The following SH3BGRL variants were observed in gnomAD, a reference collection of about 807,000 sequenced individuals.
SH3BGRL encodes the protein adapter SH3BGRL.
In SH3BGRL, 7 loss-of-function variants were observed where a neutral mutation model predicts 9.8. The observed-to-expected ratio is 0.72, with a 90% CI of 0.41 to 1.35. The LOEUF (loss-of-function observed/expected upper bound fraction) is 1.35, where lower values mean the gene tolerates loss of function less well. Among genes scored for constraint, SH3BGRL ranks in the 40% most tolerant of loss-of-function variants. The pLI, the probability that SH3BGRL is intolerant of heterozygous loss-of-function variation, is 0.01. For synonymous variants in SH3BGRL, 36 were observed against 29.1 expected (o/e 1.24, Z -0.76); for missense variants, 73 against 84.4 (o/e 0.86, Z 0.53).
chrX:81,221,319 T>C (rs2075599465), intron 1 of SH3BGRL, among the ~76,000 whole-genome samples: 1 of 111,524 alleles, frequency 9.0e-6, no homozygotes, highest in Admixed American at 9.6e-5. Flanking sequence ...ATATATCTTC[T>C]TCACCCCCTT....
At chrX:81,257,524 C>T (rs959745927) in intron 1 of SH3BGRL, among the ~76,000 whole-genome samples, 1 of 111,833 alleles carries the variant, frequency 8.9e-6, no homozygotes, top group African/African-American at 3.3e-5. Flanking sequence ...TCTGATGGCT[C>T]CACTATGGCA....
chrX:81,229,486 G>T (rs774210152), intron 1 of SH3BGRL, among the ~76,000 whole-genome samples: 7 of 111,476 alleles, frequency 6.3e-5, no homozygotes, highest in Non-Finnish European at 1.3e-4. Flanking sequence ...CTTGGAGAAT[G>T]ATTGCAAGGT....
At chrX:81,245,298 CA>C (rs1474378722) in intron 1 of SH3BGRL, among the ~76,000 whole-genome samples, 1 of 111,773 alleles carries the variant, frequency 8.9e-6, no homozygotes, top group Non-Finnish European at 1.9e-5. Flanking sequence ...AAACATAAAT[CA>C]GATGTGAGAC....
At chrX:81,233,263 T>C (rs914446631) in intron 1 of SH3BGRL, among the ~76,000 whole-genome samples, 1 of 112,110 alleles carries the variant, frequency 8.9e-6, no homozygotes, top group African/African-American at 3.2e-5. Context: ...GTTGTGTGTT[T>C]AAGTGCAAGA....
intron 1 of SH3BGRL, among the ~76,000 whole-genome samples, chrX:81,234,638 A>G (rs2147682167): frequency 8.9e-6 from 1 of 112,171 alleles, no homozygotes; most frequent in South Asian, 3.7e-4. Context: ...GATGAGGCTT[A>G]ACTGTGGAAA....
At chrX:81,270,651 G>T (rs1001779879) in intron 1 of SH3BGRL, among the ~76,000 whole-genome samples, 1 of 111,948 alleles carries the variant, frequency 8.9e-6, no homozygotes, top group African/African-American at 3.3e-5. Context: ...GCCCCTACTG[G>T]GAGGTGTCTC....
intron 3 of SH3BGRL, among the ~76,000 whole-genome samples, chrX:81,279,975 C>T (rs755262924): frequency 3.4e-4 from 38 of 111,472 alleles, no homozygotes; most frequent in Non-Finnish European, 6.6e-4. Context: ...TGGAAACAGA[C>T]TCAGGGCTGT....
At chrX:81,280,742 T>C (rs1404963860) in intron 3 of SH3BGRL, among the ~76,000 whole-genome samples, 1 of 111,070 alleles carries the variant, frequency 9.0e-6, no homozygotes, top group Non-Finnish European at 1.9e-5. Context: ...CCAACAGTGG[T>C]AATATGACAA....
rs73634732 is a variant in SH3BGRL, at chrX:81,239,366, G to A, written c.45+37121G>A. ...AAAAGAAACAAACAGAAATTCTGGA[G>A]CAGAAAATGCAATGAGGATACTGAG... On this transcript the variant is annotated intron_variant, in intron 1 of 3. Coordinates refer to ENST00000373212, the MANE Select transcript of SH3BGRL (RefSeq NM_003022.3). Among the ~76,000 whole-genome samples the A allele has an allele frequency of 9.2e-3, 1,038 of 112,265 alleles. 9 individuals are homozygous for A. Among genetic ancestry groups the A allele is most frequent in the African/African-American group, 0.031 (970 of 30,929 alleles).
intron 1 of SH3BGRL, among the ~76,000 whole-genome samples, chrX:81,268,502 G>C (rs980613087): frequency 9.0e-6 from 1 of 111,645 alleles, no homozygotes; most frequent in Non-Finnish European, 1.9e-5. Flanking sequence ...GGAGTAGGTT[G>C]TTCAGTTTCC....
intron 1 of SH3BGRL, among the ~76,000 whole-genome samples, chrX:81,215,394 A>G (rs1172894662): frequency 9.9e-5 from 11 of 110,763 alleles, no homozygotes; most frequent in African/African-American, 3.6e-4. Flanking sequence ...TCTTGCTTTC[A>G]CCCTCAAATT....
intron 1 of SH3BGRL, among the ~76,000 whole-genome samples, chrX:81,266,842 G>A (rs1186527590): frequency 8.9e-6 from 1 of 112,222 alleles, no homozygotes; most frequent in African/African-American, 3.2e-5. Flanking sequence ...CCATGAGCAT[G>A]GAATGTTTTT....
intron 3 of SH3BGRL, among the ~76,000 whole-genome samples, chrX:81,287,491 G>A (rs988383369): frequency 6.3e-5 from 7 of 111,986 alleles, no homozygotes; most frequent in Admixed American, 9.5e-5. Context: ...ATGTTTATCA[G>A]TAAATAAAAG....
rs1191874347 is a variant in SH3BGRL, at chrX:81,205,498, GTGTGTGTATA to G, written c.45+3255_45+3264del. 2.0e-3 allele frequency among the ~76,000 whole-genome samples: 178 copies of G among 88,457 alleles called. 1 individual carries two copies. The highest frequency in any genetic ancestry group is 8.4e-3 in the African/African-American group (171 of 20,463). The allele number at this position is 88,457 out of a possible 115,157, so 76.8% of individuals were successfully genotyped here. A position where few individuals can be genotyped will look rare whatever the true frequency, so the allele number is the denominator to read the frequency against. On this transcript the variant is annotated intron_variant, in intron 1 of 3. Transcript: ENST00000373212. ...TGTGTGTATATATATGTGTGTGTGT[GTGTGTGTATA>G]TATATATATATATATATATATATCA...
chrX:81,288,936 A>T (rs1402126722), intron 3 of SH3BGRL, among the ~76,000 whole-genome samples: 1 of 112,161 alleles, frequency 8.9e-6, no homozygotes, highest in Admixed American at 9.4e-5. Context: ...TCTAAAATTC[A>T]TGGGTAACCA....
chrX:81,256,726 T>G (rs1266707409), intron 1 of SH3BGRL, among the ~76,000 whole-genome samples: 1 of 112,390 alleles, frequency 8.9e-6, no homozygotes, highest in African/African-American at 3.2e-5. Context: ...GCAACTATAT[T>G]GCTTTCTTTA....
intron 1 of SH3BGRL, among the ~76,000 whole-genome samples, chrX:81,251,705 C>T (rs919981771): frequency 1.8e-5 from 2 of 111,914 alleles, no homozygotes; most frequent in Non-Finnish European, 3.8e-5. Flanking sequence ...TAATGTCCCA[C>T]TAAACTTTAA....
chrX:81,292,152 G>A (rs888036055), intron 3 of SH3BGRL, among the ~76,000 whole-genome samples: 49 of 111,893 alleles, frequency 4.4e-4, no homozygotes, highest in Non-Finnish European at 7.5e-5. Flanking sequence ...TTTTCTCTCA[G>A]CACTGCCCCA....
At chrX:81,261,536 G>A (rs949277688) in intron 1 of SH3BGRL, among the ~76,000 whole-genome samples, 2 of 110,958 alleles carry the variant, frequency 1.8e-5, no homozygotes, top group African/African-American at 3.3e-5. Context: ...TAACATATGT[G>A]CGGTCAGAGC....
Sources: allele counts gnomAD v4.1 joint callset (sites outside exome capture counted in the v4.1 genomes callset), GRCh38; gene constraint gnomAD v4.1.1; transcripts MANE v1.5; gene names NCBI Gene and HGNC (gene_info 2026-07-23, HGNC 2026-07-21).